ZNF284: variants seen among roughly 807,000 people sequenced by gnomAD.
ZNF284 encodes the protein zinc finger protein 284.
A neutral mutation model predicts 12.9 loss-of-function variants in ZNF284; 12 were observed. The ratio of observed to expected loss-of-function variants is 0.93; its 90% CI spans 0.60 to 1.51. The LOEUF is 1.51. ZNF284 is among the 40% of genes most tolerant of loss of function. The pLI, the probability that ZNF284 is intolerant of heterozygous loss-of-function variation, is 0.00. For missense variants in ZNF284, 667 were observed against 707.3 expected (o/e 0.94, Z 0.65); for synonymous variants, 225 against 236.5 (o/e 0.95, Z 0.45).
intron 3 of ZNF284, 117 bp from the exon 4 acceptor site, chr19:44,081,896 T>C: frequency 1.4e-6 from 1 of 724,710 alleles, no homozygotes; most frequent in East Asian, 2.6e-5. Context: ...CAAGATGAGA[T>C]TTGGGGACAC....
At chr19:44,073,697 G>A (rs886308148) in intron 1 of ZNF284, among the ~76,000 whole-genome samples, 1 of 151,950 alleles carries the variant, frequency 6.6e-6, no homozygotes, top group African/African-American at 2.4e-5. Context: ...ACAGGCGCCC[G>A]CCACCACGCC....
At chr19:44,084,792 C>T (rs1049195676) in intron 4 of ZNF284, among the ~76,000 whole-genome samples, 1 of 152,046 alleles carries the variant, frequency 6.6e-6, no homozygotes, top group Non-Finnish European at 1.5e-5. Context: ...GCTGTTGGGC[C>T]CCAGGGCAAG....
At position 44,085,938 on chromosome 19, in the gene ZNF284, A is replaced by C; in HGVS notation, c.460A>C (p.Lys154Gln). 1 of 1,614,200 alleles carries C rather than the reference A, an allele frequency of 6.2e-7. No homozygotes were observed. Among genetic ancestry groups the C allele is most frequent in the South Asian group, 1.1e-5 (1 of 91,086 alleles). ...ETPSEHGKCK[K>Q]FFSDVSILDL... is the part of the protein sequence containing the mutation. The stretch of plus-strand genomic sequence containing the variant: ...ACCTTCTGAGCATGGGAAGTGTAAA[A>C]AATTCTTCAGTGATGTCTCCATCCT... The change falls in exon 5 of 5, where the codon AAA (lysine) becomes CAA (glutamine). Residue 154 changes from lysine to glutamine, a missense_variant. Physicochemically the swap from Lys to Gln is moderately conservative, Grantham distance 53. Transcript: ENST00000421176.
At position 44,085,939 on chromosome 19, in the gene ZNF284, A is replaced by T. The variant is rs1967229894; in HGVS notation, c.461A>T (p.Lys154Ile). The T allele has an allele frequency of 7.4e-6, 12 of 1,614,146 alleles. No homozygotes were observed. The East Asian group carries it at 2.7e-4, about 36-fold the overall frequency. ...ETPSEHGKCK[K>I]FFSDVSILDL... ...CCTTCTGAGCATGGGAAGTGTAAAAAATTCTTCAGTGATGTCTCCATCCTT... is the reference window on the plus strand; with the variant it reads ...CCTTCTGAGCATGGGAAGTGTAAAATATTCTTCAGTGATGTCTCCATCCTT... Residue 154 changes from lysine to isoleucine, a missense_variant, in exon 5 of 5, where the codon AAA becomes ATA. Physicochemically the swap from Lys to Ile is moderately radical, Grantham distance 102 (BLOSUM62 -3). Coordinates refer to ENST00000421176, the MANE Select transcript of ZNF284 (RefSeq NM_001037813.4).
intron 2 of ZNF284, among the ~76,000 whole-genome samples, chr19:44,077,850 G>A (rs1400670621): frequency 6.6e-6 from 1 of 152,096 alleles, no homozygotes; most frequent in Non-Finnish European, 1.5e-5. Flanking sequence ...GTGCCCTCTT[G>A]AGTGATGACA....
At chr19:44,077,440 A>G (rs528498168) in intron 2 of ZNF284, among the ~76,000 whole-genome samples, 4 of 151,864 alleles carry the variant, frequency 2.6e-5, no homozygotes, top group Admixed American at 2.6e-4. Context: ...GAATCTTGCC[A>G]GTTGCTCCAG....
At chr19:44,078,349 C>T (rs2060746602) in intron 2 of ZNF284, among the ~76,000 whole-genome samples, 1 of 152,054 alleles carries the variant, frequency 6.6e-6, no homozygotes, top group African/African-American at 2.4e-5. Context: ...GGTAATATAT[C>T]CCCTTGAAAG....
chr19:44,083,479 AGAGAGAGAGAGAGAGAGAGAGAGG>A (rs1478788582), intron 4 of ZNF284, among the ~76,000 whole-genome samples: 1,867 of 91,670 alleles, frequency 0.02, 347 homozygotes, highest in Non-Finnish European at 0.026. Flanking sequence ...ATATATAGAG[AGAGAGAGAGAGAGAGAGAGAGAGG>A]GAATGGAATA....
chr19:44,075,176 T>C (rs1468146359), intron 1 of ZNF284, among the ~76,000 whole-genome samples: 2 of 152,190 alleles, frequency 1.3e-5, no homozygotes, highest in African/African-American at 2.4e-5. Flanking sequence ...GTTTCTTCTT[T>C]TGGTCCTTAT....
At chr19:44,074,368 C>CAA (rs34757324) in intron 1 of ZNF284, among the ~76,000 whole-genome samples, 2,678 of 144,760 alleles carry the variant, frequency 0.018, 73 homozygotes, top group African/African-American at 0.063. Context: ...CTCCCGGTCT[C>CAA]AAAAAAAAAA....
chr19:44,085,757 A>G lies in ZNF284; in HGVS notation c.279A>G (p.Gly93=), dbSNP rs777293550. The change falls in exon 5 of 5, where the codon GGA becomes GGG. Residue 93 remains glycine, a synonymous_variant. Transcript: ENST00000421176. ...QTELESVPET[G]PHEEWSCQQI... Reference sequence around the variant, plus strand: ...AGTTGGAGTCTGTTCCAGAAACAGGACCACATGAAGAGTGGTCTTGCCAGC... The same window carrying G: ...AGTTGGAGTCTGTTCCAGAAACAGGGCCACATGAAGAGTGGTCTTGCCAGC... The G allele has an allele frequency of 1.1e-5, 18 of 1,614,060 alleles. No individual in the cohort carries two copies. The highest frequency in any genetic ancestry group is 2.2e-5 in the East Asian group (1 of 44,878).
At chr19:44,074,597 A>G (rs907555065) in intron 1 of ZNF284, among the ~76,000 whole-genome samples, 6 of 152,142 alleles carry the variant, frequency 3.9e-5, no homozygotes, top group African/African-American at 2.4e-5. Flanking sequence ...ACATTTCAAG[A>G]TAATTGTGGG....
At position 44,085,910 on chromosome 19, in the gene ZNF284, GAC is replaced by G. The variant is rs1568523617; in HGVS notation, c.435_436del (p.Pro146PhefsTer2). ...GACTATCTATAATTCACATAGGAGA[GAC>G]ACCTTCTGAGCATGGGAAGTGTAAA... ...AGLSIIHIGE[T>X]PSEHGKCKKF... On this transcript the variant is annotated frameshift_variant, in exon 5 of 5. Coordinates refer to ENST00000421176, the MANE Select transcript of ZNF284 (RefSeq NM_001037813.4). LOFTEE classifies it low-confidence loss of function (END_TRUNC). 6.2e-7 allele frequency: 1 copy of G among 1,614,182 alleles called. No homozygotes were observed. Among genetic ancestry groups the G allele is most frequent in the East Asian group, 2.2e-5 (1 of 44,882 alleles).
At position 44,083,495 on chromosome 19, in the gene ZNF284, AGAGAGAGGGAAT is replaced by A. The variant is rs1568522571; in HGVS notation, c.235+1392_235+1403del. Among the ~76,000 whole-genome samples the A allele has an allele frequency of 2.9e-4, 26 of 89,946 alleles. 1 individual carries two copies. The highest frequency in any genetic ancestry group is 1.7e-3 in the South Asian group (4 of 2,354). 59.0% of individuals were successfully genotyped at this position (89,946 alleles called of 152,430 possible). A position where few individuals can be genotyped will look rare whatever the true frequency, so the allele number is the denominator to read the frequency against. ...TATATAGAGAGAGAGAGAGAGAGAG[AGAGAGAGGGAAT>A]GGAATACCATCCTATCTTTACCCTT... is the stretch of plus-strand genomic sequence containing the variant. On this transcript the variant is annotated intron_variant, in intron 4 of 4. Transcript: ENST00000421176.
In ZNF284 at chr19:44,085,774, C is replaced by T; in HGVS notation, c.296C>T (p.Ser99Phe). The T allele has an allele frequency of 1.9e-6, 3 of 1,614,178 alleles. No individual in the cohort carries two copies. Among genetic ancestry groups the T allele is most frequent in the East Asian group, 2.2e-5 (1 of 44,886 alleles). ...GAAACAGGACCACATGAAGAGTGGT[C>T]TTGCCAGCAAATCTGGGAACAAACT... is the stretch of plus-strand genomic sequence containing the variant. ...VPETGPHEEW[S>F]CQQIWEQTAS... The change falls in exon 5 of 5, where the codon TCT (serine) becomes TTT (phenylalanine). Residue 99 changes from serine to phenylalanine, a missense_variant. Transcript: ENST00000421176.
intron 4 of ZNF284, among the ~76,000 whole-genome samples, chr19:44,082,969 A>T (rs564842194): frequency 5.1e-4 from 78 of 152,256 alleles, no homozygotes; most frequent in African/African-American, 1.7e-3. Context: ...TTGGATGTGG[A>T]CATCTTTCAA....
chr19:44,074,715 T>C (rs2147492640), intron 1 of ZNF284, among the ~76,000 whole-genome samples: 1 of 152,286 alleles, frequency 6.6e-6, no homozygotes, highest in Non-Finnish European at 1.5e-5. Flanking sequence ...ATGTCTGTAA[T>C]TGTAGCACTT....
At chr19:44,072,864 T>C (rs1270806259) in intron 1 of ZNF284, among the ~76,000 whole-genome samples, 1 of 152,244 alleles carries the variant, frequency 6.6e-6, no homozygotes, top group African/African-American at 2.4e-5. Context: ...GTCAGGGTGT[T>C]TCACAGCTTT....
intron 4 of ZNF284, among the ~76,000 whole-genome samples, chr19:44,083,374 T>C (rs1276581029): frequency 1.3e-5 from 2 of 150,340 alleles, no homozygotes. Flanking sequence ...CCAGAGGTTG[T>C]AGTGAGCTGG....
Sources: allele counts gnomAD v4.1 joint callset (sites outside exome capture counted in the v4.1 genomes callset), GRCh38; gene constraint gnomAD v4.1.1; transcripts MANE v1.5; gene names NCBI Gene and HGNC (gene_info 2026-07-23, HGNC 2026-07-21).